Variants in SEMA6D observed in about 807,000 individuals in gnomAD.
SEMA6D encodes semaphorin-6D.
In SEMA6D, 35 loss-of-function variants were observed where a neutral mutation model predicts 106.6. That is an observed-to-expected ratio of 0.33 (90% CI 0.25 to 0.44). The LOEUF (loss-of-function observed/expected upper bound fraction) is 0.44. Among genes scored for constraint, SEMA6D ranks in the 20% least tolerant of loss-of-function variants. The probability of loss-of-function intolerance (pLI) is 1.00; values close to 1 mark genes in which losing one functional copy is unlikely to be tolerated. For synonymous variants in SEMA6D, 499 were observed against 487.7 expected (o/e 1.02, Z -0.31); for missense variants, 1,185 against 1,345.9 (o/e 0.88, Z 1.87).
At chr15:47,533,213 G>T (rs1163137870) in intron 3 of SEMA6D, among the ~76,000 whole-genome samples, 4 of 152,128 alleles carry the variant, frequency 2.6e-5, no homozygotes, top group Non-Finnish European at 5.9e-5. Context: ...AAATTATAAT[G>T]ATTACTTGGG....
rs571642987 is a variant in SEMA6D, at chr15:47,186,591, C to T, written c.-239+2173C>T. ...CTCTATTATTTTACATTTTCAATGCCGTTCGTGCCCACTGAATGCATTGGA... is the reference window on the plus strand; with the variant it reads ...CTCTATTATTTTACATTTTCAATGCTGTTCGTGCCCACTGAATGCATTGGA... On this transcript the variant is annotated intron_variant, in intron 1 of 19. Transcript: ENST00000558014. Among the ~76,000 whole-genome samples the T allele has an allele frequency of 8.6e-5, 13 of 151,812 alleles. 1 individual carries two copies. The highest frequency in any genetic ancestry group is 3.4e-3 in the Middle Eastern group (1 of 294).
At chr15:47,246,209 G>A (rs546700930) in intron 1 of SEMA6D, among the ~76,000 whole-genome samples, 1 of 152,260 alleles carries the variant, frequency 6.6e-6, no homozygotes, top group African/African-American at 2.4e-5. Flanking sequence ...GGATAATCAA[G>A]GGATAGAGAT....
At chr15:47,445,924 C>T (rs2042014824) in intron 2 of SEMA6D, among the ~76,000 whole-genome samples, 1 of 152,142 alleles carries the variant, frequency 6.6e-6, no homozygotes, top group Non-Finnish European at 1.5e-5. Context: ...GGCAACACAA[C>T]ACAGATTGGG....
chr15:47,390,287 A>C (rs2039981918), intron 1 of SEMA6D, among the ~76,000 whole-genome samples: 2 of 152,154 alleles, frequency 1.3e-5, no homozygotes, highest in Admixed American at 1.3e-4. Flanking sequence ...AGTGAGCCCA[A>C]CTGTGTGAGC....
chr15:47,628,481 G>A (rs1462329282), intron 4 of SEMA6D, among the ~76,000 whole-genome samples: 7 of 152,066 alleles, frequency 4.6e-5, no homozygotes, highest in South Asian at 4.2e-4. Flanking sequence ...ATAGCTCAGC[G>A]TAATTTTTAT....
chr15:47,604,798 G>C (rs2076740817), intron 4 of SEMA6D, among the ~76,000 whole-genome samples: 1 of 151,824 alleles, frequency 6.6e-6, no homozygotes, highest in Non-Finnish European at 1.5e-5. Flanking sequence ...CTGGGTTCAT[G>C]CCATTCTCCT....
chr15:47,525,964 A>T (rs917110561), intron 3 of SEMA6D, among the ~76,000 whole-genome samples: 3 of 152,234 alleles, frequency 2.0e-5, no homozygotes, highest in African/African-American at 7.2e-5. Flanking sequence ...GCCACCCACT[A>T]TAGAAGCTCT....
At chr15:47,239,797 G>A (rs558430078) in intron 1 of SEMA6D, among the ~76,000 whole-genome samples, 1 of 152,284 alleles carries the variant, frequency 6.6e-6, no homozygotes, top group South Asian at 2.1e-4. Flanking sequence ...GAAGTTGTAT[G>A]TGTAACACAC....
intron 1 of SEMA6D, chr15:47,395,471 G>C (rs979961757): frequency 6.6e-6 from 1 of 152,226 alleles, no homozygotes; most frequent in Non-Finnish European, 1.5e-5. Context: ...TCATTTCATG[G>C]ATTGTTGGAA....
At chr15:47,718,639 G>T (rs920662717) in intron 1 of SEMA6D, 1 of 152,394 alleles carries the variant, frequency 6.6e-6, no homozygotes, top group South Asian at 2.1e-4. Flanking sequence ...TCCGTGCTTT[G>T]TTCCCCGACT....
At chr15:47,517,848 G>A (rs894333074) in intron 3 of SEMA6D, among the ~76,000 whole-genome samples, 2 of 152,106 alleles carry the variant, frequency 1.3e-5, no homozygotes, top group Non-Finnish European at 2.9e-5. Context: ...ACAAATTAGG[G>A]AGCTGTCTTT....
At chr15:47,241,897 C>T (rs149052287) in intron 1 of SEMA6D, among the ~76,000 whole-genome samples, 1 of 152,134 alleles carries the variant, frequency 6.6e-6, no homozygotes, top group East Asian at 1.9e-4. Context: ...ATTTCCCTCC[C>T]TGTATTTCTG....
chr15:47,506,067 A>G (rs1329499465), intron 3 of SEMA6D, among the ~76,000 whole-genome samples: 1 of 152,148 alleles, frequency 6.6e-6, no homozygotes, highest in Non-Finnish European at 1.5e-5. Context: ...GGGAATCTAA[A>G]GGGGAGTGGG....
intron 3 of SEMA6D, among the ~76,000 whole-genome samples, chr15:47,573,600 C>T (rs1039925065): frequency 4.6e-5 from 7 of 152,172 alleles, no homozygotes; most frequent in Admixed American, 6.5e-5. Context: ...ATGGAGACAA[C>T]GGTGGTGCAT....
At chr15:47,392,252 A>T (rs1376852603) in intron 1 of SEMA6D, among the ~76,000 whole-genome samples, 2 of 152,070 alleles carry the variant, frequency 1.3e-5, no homozygotes, top group Non-Finnish European at 2.9e-5. Flanking sequence ...CAAACAAAGG[A>T]TGCCAGAATA....
chr15:47,436,766 A>AT (rs951350508), intron 2 of SEMA6D, among the ~76,000 whole-genome samples: 42 of 83,678 alleles, frequency 5.0e-4, no homozygotes, highest in African/African-American at 1.2e-3. Context: ...ATTAAAAAAA[A>AT]AAATATATAT....
chr15:47,363,057 A>T (rs1048742586), intron 1 of SEMA6D, among the ~76,000 whole-genome samples: 3 of 152,098 alleles, frequency 2.0e-5, no homozygotes, highest in African/African-American at 7.2e-5. Context: ...ATATAATAAT[A>T]ATTTTAATAG....
chr15:47,251,468 G>A (rs1451920592), intron 1 of SEMA6D, among the ~76,000 whole-genome samples: 1 of 152,098 alleles, frequency 6.6e-6, no homozygotes, highest in African/African-American at 2.4e-5. Context: ...CCTCAAACAT[G>A]TCATATTGGC....
chr15:47,615,460 T>C (rs1373091128), intron 4 of SEMA6D, among the ~76,000 whole-genome samples: 2 of 152,210 alleles, frequency 1.3e-5, no homozygotes, highest in Non-Finnish European at 2.9e-5. Context: ...TTATTTTCTC[T>C]TTTTTAACTG....
Sources: allele counts gnomAD v4.1 joint callset (sites outside exome capture counted in the v4.1 genomes callset), GRCh38; gene constraint gnomAD v4.1.1; transcripts MANE v1.5; gene names NCBI Gene and HGNC (gene_info 2026-07-23, HGNC 2026-07-21).